The following NRK variants were observed in gnomAD, a reference collection of about 807,000 sequenced individuals.
NRK encodes nik-related protein kinase.
Under a neutral mutation model 125.2 loss-of-function variants are expected in NRK, and 67 were observed. The ratio of observed to expected loss-of-function variants is 0.54; its 90% CI spans 0.44 to 0.66. NRK has a LOEUF of 0.66. Ranked by LOEUF, NRK falls within the 30% of genes least tolerant of loss-of-function variation. NRK has a pLI of 0.00. For missense variants in NRK, 1,224 were observed against 1,192.9 expected, an observed-to-expected ratio of 1.03 and a Z score of -0.38; for synonymous variants, 458 against 429.0, an observed-to-expected ratio of 1.07 and a Z score of -0.84.
At chrX:105,929,508 G>A (rs2040567624) in intron 19 of NRK, among the ~76,000 whole-genome samples, 1 of 109,410 alleles carries the variant, frequency 9.1e-6, no homozygotes, top group African/African-American at 3.4e-5. Context: ...TCTGTTTACT[G>A]TCAAGTTTAT....
intron 2 of NRK, among the ~76,000 whole-genome samples, chrX:105,839,354 T>C (rs1002970427): frequency 2.7e-5 from 3 of 111,381 alleles, no homozygotes; most frequent in Non-Finnish European, 5.7e-5. Context: ...CATAGCACTA[T>C]GCATTTCATT....
chrX:105,826,372 A>C (rs1423803252), intron 1 of NRK, among the ~76,000 whole-genome samples: 3 of 78,880 alleles, frequency 3.8e-5, no homozygotes, highest in African/African-American at 5.6e-5. Context: ...AATATATTAT[A>C]TATATTATCA....
chrX:105,821,835 C>T (rs2039023430), upstream of NRK, among the ~76,000 whole-genome samples: 1 of 111,659 alleles, frequency 9.0e-6, no homozygotes, highest in African/African-American at 3.3e-5. Context: ...TCTGAGTGAA[C>T]GACTGGGACC....
rs772986761 is a variant in NRK at position 105,856,737 on chromosome X, G to A, written c.124-23462G>A. On this transcript the variant is annotated intron_variant, in intron 2 of 28. Coordinates refer to ENST00000243300, the MANE Select transcript of NRK (RefSeq NM_198465.4). ...GTTTCGAATAGATGCTAATCAAATA[G>A]ATTTGATCAGTGAGTGGGTTTTTGA... Among the ~76,000 whole-genome samples, 5 of 111,807 alleles carry A rather than the reference G, an allele frequency of 4.5e-5. No homozygotes were observed. In the East Asian group the frequency reaches 1.1e-3, roughly 25 times the overall value.
At position 105,909,895 on chromosome X, in the gene NRK, G is replaced by T. The variant is rs1258132423; in HGVS notation, c.2241+13G>T. The T allele has an allele frequency of 1.8e-5, 20 of 1,106,986 alleles. No individual in the cohort carries two copies. Among genetic ancestry groups the T allele is most frequent in the African/African-American group, 7.5e-5 (4 of 53,141 alleles). 91.2% of individuals were successfully genotyped at this position (1,106,986 alleles called of 1,213,427 possible). ...ACAAGTTGATAAAGTAAGAATTTTT[G>T]ATATTTTTACTCTGAGTCAAAAATG... On this transcript the variant is annotated intron_variant, in intron 13 of 28. Transcript: ENST00000243300.
At position 105,944,025 on chromosome X, in the gene NRK, A is replaced by G. The variant is rs368036194; in HGVS notation, c.4043A>G (p.Glu1348Gly). The change falls in exon 24 of 29, where the codon GAA (glutamate) becomes GGA (glycine). Residue 1348 changes from glutamate (E) to glycine (G), a missense_variant. Physicochemically the swap from Glu to Gly is moderately conservative, Grantham distance 98. Transcript: ENST00000243300. ...GCATGGGCACCAAAGTCCTTTGATG[A>G]AAGCACTGCTATTAAAGTGAGTGAG... is the stretch of plus-strand genomic sequence containing the variant. ...LYAWAPKSFD[E>G]STAIKVCIDQ... 4.9e-5 allele frequency: 55 copies of G among 1,113,152 alleles called. No homozygotes were observed. The highest frequency in any genetic ancestry group is 6.5e-5 in the Non-Finnish European group (53 of 815,505). 91.7% of individuals were successfully genotyped at this position (1,113,152 alleles called of 1,213,427 possible). A position where few individuals can be genotyped will look rare whatever the true frequency, so the allele number is the denominator to read the frequency against.
At chrX:105,893,974 C>T in intron 6 of NRK, 32 bp downstream of exon 6, 5 of 813,317 alleles carry the variant, frequency 6.1e-6, no homozygotes, top group Non-Finnish European at 9.2e-6. Flanking sequence ...CTCTTCTGAT[C>T]TTTTAAGAAC....
intron 2 of NRK, among the ~76,000 whole-genome samples, chrX:105,873,420 A>G (rs186213903): frequency 1.8e-5 from 2 of 111,469 alleles, no homozygotes; most frequent in Admixed American, 1.9e-4. Flanking sequence ...CTGCAATTCA[A>G]TGCTGGTTTT....
chrX:105,941,033 A>G (rs1017537150), intron 23 of NRK, among the ~76,000 whole-genome samples: 2 of 111,861 alleles, frequency 1.8e-5, no homozygotes, highest in African/African-American at 6.5e-5. Context: ...AGGTTTAGGT[A>G]TCACTACTTC....
chrX:105,954,780 C>A (rs1225250281), intron 28 of NRK, among the ~76,000 whole-genome samples: 1 of 111,291 alleles, frequency 9.0e-6, no homozygotes, highest in Non-Finnish European at 1.9e-5. Context: ...ATGGTACAGA[C>A]CACATTTACA....
chrX:105,898,575 T>G lies in NRK; in HGVS notation c.581-9T>G. On this transcript the variant is annotated splice_polypyrimidine_tract_variant and intron_variant, in intron 7 of 28. Coordinates refer to ENST00000243300, the MANE Select transcript of NRK (RefSeq NM_198465.4). ...ATTGATTATTTTGACATATAATGAT[T>G]TTTGGCAGTTGATTTTGGAGTGAGT... is the stretch of plus-strand genomic sequence containing the variant. 1 of 1,193,121 alleles carries G rather than the reference T, an allele frequency of 8.4e-7. No homozygotes were observed. The highest frequency in any genetic ancestry group is 1.1e-6 in the Non-Finnish European group (1 of 884,809).
At chrX:105,920,509 A>C (rs2040427371) in intron 16 of NRK, among the ~76,000 whole-genome samples, 1 of 107,961 alleles carries the variant, frequency 9.3e-6, no homozygotes. Context: ...CACGATATTG[A>C]TTCTTCCTAG....
chrX:105,954,240 A>G (rs1041341961), intron 28 of NRK, among the ~76,000 whole-genome samples: 1 of 111,112 alleles, frequency 9.0e-6, no homozygotes, highest in African/African-American at 3.3e-5. Context: ...TCTCTTTATT[A>G]TGAGGTAAAA....
intron 19 of NRK, among the ~76,000 whole-genome samples, chrX:105,929,831 C>A (rs2040572452): frequency 9.0e-6 from 1 of 111,615 alleles, no homozygotes; most frequent in African/African-American, 3.3e-5. Context: ...TTCTCCATTT[C>A]TGAAGGATTG....
intron 2 of NRK, among the ~76,000 whole-genome samples, chrX:105,838,509 T>TA (rs1426000246): frequency 1.8e-5 from 2 of 111,307 alleles, no homozygotes; most frequent in African/African-American, 6.5e-5. Flanking sequence ...ATCAGTCACC[T>TA]ACTCCTACGT....
chrX:105,892,820 T>C (rs750541886), intron 5 of NRK, among the ~76,000 whole-genome samples: 28 of 112,011 alleles, frequency 2.5e-4, no homozygotes, highest in Non-Finnish European at 2.3e-4. Context: ...AGTAGTTTTC[T>C]GAAAAGAAGA....
intron 2 of NRK, among the ~76,000 whole-genome samples, chrX:105,838,718 G>GT (rs1428861452): frequency 7.3e-5 from 8 of 109,972 alleles, no homozygotes; most frequent in Non-Finnish European, 1.3e-4. Context: ...GTTTCTTATT[G>GT]TTTTAACACC....
At position 105,910,724 on chromosome X, in the gene NRK, G is replaced by A. The variant is rs187799385; in HGVS notation, c.2241+842G>A. Among the ~76,000 whole-genome samples the A allele has an allele frequency of 3.2e-3, 354 of 111,261 alleles. 3 individuals are homozygous for A. The highest frequency in any genetic ancestry group is 0.011 in the African/African-American group (338 of 30,611). The stretch of plus-strand genomic sequence containing the variant: ...GGTGAGGTGCTGGATAATTGGAGTT[G>A]TTGATTGGTCAGGGTAAGGTTGATG... On this transcript the variant is annotated intron_variant, in intron 13 of 28. Transcript: ENST00000243300.
At chrX:105,894,946 G>C (rs185957464) in intron 6 of NRK, among the ~76,000 whole-genome samples, 2 of 112,197 alleles carry the variant, frequency 1.8e-5, no homozygotes, top group South Asian at 7.3e-4. Context: ...TAGAGCCAAA[G>C]TGTTAAGCCA....
Sources: gnomAD v4.1 joint callset for allele counts (sites outside exome capture counted in the v4.1 genomes callset) on GRCh38, gnomAD v4.1.1 for gene constraint, MANE v1.5 for transcripts, NCBI Gene and HGNC (gene_info 2026-07-23, HGNC 2026-07-21) for gene names.